CLCA1: variants seen among roughly 807,000 people sequenced by gnomAD.
The protein encoded by CLCA1 is chloride channel accessory 1.
A neutral mutation model predicts 85.6 loss-of-function variants in CLCA1; 59 were observed. That is an observed-to-expected ratio of 0.69 (90% CI 0.56 to 0.86). CLCA1 has a LOEUF of 0.86. Among genes scored for constraint, CLCA1 ranks in the 40% least tolerant of loss-of-function variants. The pLI is 0.00. For missense variants in CLCA1, 1,022 were observed against 1,101.4 expected, an observed-to-expected ratio of 0.93 and a Z score of 1.02; for synonymous variants, 396 against 398.3, an observed-to-expected ratio of 0.99 and a Z score of 0.07.
At chr1:86,487,838 C>T (rs910496063) in intron 7 of CLCA1, among the ~76,000 whole-genome samples, 20 of 152,232 alleles carry the variant, frequency 1.3e-4, no homozygotes, top group Non-Finnish European at 4.4e-5. Flanking sequence ...TCTTCTGTCT[C>T]CTCTTTAGGA....
intron 4 of CLCA1, among the ~76,000 whole-genome samples, chr1:86,478,146 G>T (rs1647722884): frequency 6.6e-6 from 1 of 152,074 alleles, no homozygotes; most frequent in East Asian, 1.9e-4. Flanking sequence ...GACATCAAGT[G>T]GGCCGGGCAT....
intron 12 of CLCA1, among the ~76,000 whole-genome samples, chr1:86,496,296 T>C (rs1377559669): frequency 1.3e-5 from 2 of 152,256 alleles, no homozygotes; most frequent in African/African-American, 2.4e-5. Flanking sequence ...AATTTAGGGT[T>C]TGTTATCTAC....
chr1:86,469,849 T>A (rs1236505944), intron 1 of CLCA1, among the ~76,000 whole-genome samples: 1 of 152,122 alleles, frequency 6.6e-6, no homozygotes, highest in Non-Finnish European at 1.5e-5. Flanking sequence ...CTAGTAACAG[T>A]ATTAGTCTGT....
At chr1:86,483,069 G>A (rs566108967) in intron 5 of CLCA1, among the ~76,000 whole-genome samples, 2 of 152,228 alleles carry the variant, frequency 1.3e-5, no homozygotes, top group Admixed American at 1.3e-4. Flanking sequence ...TTGGAATAGA[G>A]GGTGCAATAA....
intron 5 of CLCA1, among the ~76,000 whole-genome samples, chr1:86,483,142 C>A (rs558393258): frequency 2.0e-5 from 3 of 152,284 alleles, no homozygotes; most frequent in African/African-American, 7.2e-5. Flanking sequence ...CACCATGGCT[C>A]ACCAGGCCCA....
In CLCA1 at chr1:86,469,177, A is replaced by C. The variant is rs370725300; in HGVS notation, c.162+44A>C. The C allele has an allele frequency of 2.4e-5, 34 of 1,432,514 alleles. No homozygotes were observed. In the Middle Eastern group the frequency reaches 2.8e-3, roughly 120 times the overall value. The allele number at this position is 1,432,514 out of a possible 1,614,324, so 88.7% of individuals were successfully genotyped here. On this transcript the variant is annotated intron_variant, in intron 1 of 13. Transcript: ENST00000394711. ...TCCATACTTTTTTAAAAATAGCATA[A>C]TGTTGTGATAGAGAGAACATGAGTG...
At chr1:86,487,139 T>A (rs1414875014) in intron 7 of CLCA1, among the ~76,000 whole-genome samples, 5 of 152,224 alleles carry the variant, frequency 3.3e-5, no homozygotes, top group Non-Finnish European at 7.3e-5. Flanking sequence ...ACCATTTTGG[T>A]CCACTTTGAA....
intron 4 of CLCA1, 41 bp from the exon 5 acceptor site, chr1:86,482,164 T>C (rs751200019): frequency 5.4e-6 from 8 of 1,494,316 alleles, no homozygotes; most frequent in Non-Finnish European, 7.4e-6. Context: ...CCCTTTGAAA[T>C]GACGACATCA....
At position 86,489,886 on chromosome 1, in the gene CLCA1, A is replaced by T. The variant is rs537724435; in HGVS notation, c.1357+716A>T. On this transcript the variant is annotated intron_variant, in intron 8 of 13. Transcript: ENST00000394711. ...AATGCCAGAGCTGTTTATTCCTAATACTACCTGTCCTAGGCTGGGTTTCTT... is the reference window on the plus strand; with the variant it reads ...AATGCCAGAGCTGTTTATTCCTAATTCTACCTGTCCTAGGCTGGGTTTCTT... Among the ~76,000 whole-genome samples, 8 of 152,296 alleles carry T rather than the reference A, an allele frequency of 5.3e-5. No homozygotes were observed. In the South Asian group the frequency reaches 1.5e-3, roughly 28 times the overall value.
chr1:86,497,244 C>G (rs1286955887), intron 12 of CLCA1, among the ~76,000 whole-genome samples: 1 of 152,222 alleles, frequency 6.6e-6, no homozygotes, highest in Non-Finnish European at 1.5e-5. Flanking sequence ...GTTCTTCCCT[C>G]TATCCCTCGA....
At chr1:86,495,467 C>G in intron 11 of CLCA1, 38 bp from the exon 12 acceptor site, 1 of 1,533,614 alleles carries the variant, frequency 6.5e-7, no homozygotes, top group Non-Finnish European at 9.0e-7. Context: ...AATACCCTCC[C>G]CGTTACCTAT....
chr1:86,499,870 C>G lies in CLCA1; in HGVS notation c.2570C>G (p.Ser857Cys). ...AAGGTCGATCTGAAATCAGAAATAT[C>G]CAACATTGCACGAGTATCTTTGTTT... is the stretch of plus-strand genomic sequence containing the variant. ...VDKVDLKSEI[S>C]NIARVSLFIP... is the part of the protein sequence containing the mutation. The change falls in exon 14 of 14, where the codon TCC becomes TGC. Residue 857 changes from serine to cysteine, a missense_variant. By Grantham distance (112) the Ser-to-Cys change is moderately radical. Transcript: ENST00000394711. 6.2e-7 allele frequency: 1 copy of G among 1,613,750 alleles called. No homozygotes were observed. The highest frequency in any genetic ancestry group is 8.5e-7 in the Non-Finnish European group (1 of 1,179,646).
intron 4 of CLCA1, among the ~76,000 whole-genome samples, chr1:86,476,960 A>C (rs1381251264): frequency 2.0e-5 from 3 of 152,188 alleles, no homozygotes; most frequent in Non-Finnish European, 2.9e-5. Flanking sequence ...CCCAGGCTGG[A>C]GCGCAGTGAT....
intron 7 of CLCA1, 23 bp from the exon 8 acceptor site, chr1:86,488,973 C>T (rs777345222): frequency 1.2e-5 from 20 of 1,602,828 alleles, no homozygotes; most frequent in Middle Eastern, 1.7e-4. Flanking sequence ...TCTGATAACT[C>T]GTGCCCTAAA....
chr1:86,495,528 G>A lies in CLCA1; in HGVS notation c.1966G>A (p.Gly656Ser), dbSNP rs763913805. 6 of 1,613,222 alleles carry A rather than the reference G, an allele frequency of 3.7e-6. No individual in the cohort carries two copies. The highest frequency in any genetic ancestry group is 2.2e-5 in the East Asian group (1 of 44,876). ...AGGTGCTGATGCTACTAAGGATGACGGTGTCTACTCAAGGTATTTCACAAC... is the reference window on the plus strand; with the variant it reads ...AGGTGCTGATGCTACTAAGGATGACAGTGTCTACTCAAGGTATTTCACAAC... ...GAGADATKDD[G>S]VYSRYFTTYD... Residue 656 changes from glycine to serine, a missense_variant, in exon 12 of 14, where the codon GGT (glycine) becomes AGT (serine). Coordinates refer to ENST00000394711, the MANE Select transcript of CLCA1 (RefSeq NM_001285.4).
Position 86,495,642 on chromosome 1 carries a change from G to A in CLCA1, c.2080G>A (p.Gly694Arg). The A allele has an allele frequency of 6.2e-7, 1 of 1,614,068 alleles. No individual in the cohort carries two copies. The highest frequency in any genetic ancestry group is 8.5e-7 in the Non-Finnish European group (1 of 1,179,966). Residue 694 changes from glycine to arginine, a missense_variant, in exon 12 of 14, where the codon GGA (glycine) becomes AGA (arginine). Gly to Arg is a moderately radical substitution (Grantham distance 125). Transcript: ENST00000394711. ...ARRRVIPQQS[G>R]ALYIPGWIEN... ...ACGGAGAGTGATACCCCAGCAGAGT[G>A]GAGCACTGTACATACCTGGCTGGAT...
At chr1:86,488,908 T>C (rs2075632) in intron 7 of CLCA1, 88 bp from the exon 8 acceptor site, 407,494 of 1,139,808 alleles carry the variant, frequency 0.36, 76,420 homozygotes, top group Non-Finnish European at 0.39. Context: ...CCTCTAGAAT[T>C]TCTTTTCTCC....
Position 86,498,763 on chromosome 1 carries a change from A to G in CLCA1, c.2305A>G (p.Ile769Val), listed in dbSNP as rs754304699. Reference sequence around the variant, plus strand: ...GGCGGAAATTCACGGGGGCAGTCTCATTAATCTGACTTGGACAGCTCCTGG... The same window carrying G: ...GGCGGAAATTCACGGGGGCAGTCTCGTTAATCTGACTTGGACAGCTCCTGG... Reference protein sequence around the residue: ...LKAEIHGGSLINLTWTAPGDD... With the variant: ...LKAEIHGGSLVNLTWTAPGDD... The change falls in exon 13 of 14, where the codon ATT becomes GTT. Residue 769 changes from isoleucine to valine, a missense_variant. Physicochemically the swap from Ile to Val is conservative, Grantham distance 29. Coordinates refer to ENST00000394711, the MANE Select transcript of CLCA1 (RefSeq NM_001285.4). 6.8e-6 allele frequency: 11 copies of G among 1,614,014 alleles called. No individual in the cohort carries two copies. In the Admixed American group the frequency reaches 1.3e-4, roughly 20 times the overall value.
chr1:86,491,607 G>A (rs1648136588), intron 9 of CLCA1, among the ~76,000 whole-genome samples: 1 of 152,206 alleles, frequency 6.6e-6, no homozygotes, highest in African/African-American at 2.4e-5. Context: ...ACAGAAGTCA[G>A]CAGATAAAAT....
Sources: gnomAD v4.1 joint callset for allele counts (sites outside exome capture counted in the v4.1 genomes callset) on GRCh38, gnomAD v4.1.1 for gene constraint, MANE v1.5 for transcripts, NCBI Gene and HGNC (gene_info 2026-07-23, HGNC 2026-07-21) for gene names.